The following MBD5 variants were observed in gnomAD, a reference collection of about 807,000 sequenced individuals.
MBD5 encodes methyl-CpG-binding domain protein 5.
MBD5 carries 13 observed loss-of-function variants against 117.3 expected under a neutral mutation model. The ratio of observed to expected loss-of-function variants is 0.11; its 90% CI spans 0.07 to 0.18. MBD5 has a LOEUF of 0.18. MBD5 is among the 10% of genes least tolerant of loss of function. The probability of loss-of-function intolerance (pLI) is 1.00; values close to 1 mark genes in which losing one functional copy is unlikely to be tolerated. For missense variants in MBD5, 1,879 were observed against 2,093.8 expected, an observed-to-expected ratio of 0.90 and a Z score of 2.00; for synonymous variants, 727 against 766.4, an observed-to-expected ratio of 0.95 and a Z score of 0.85.
At chr2:148,163,830 CTT>C (rs894726371) in intron 1 of MBD5, among the ~76,000 whole-genome samples, 2 of 151,966 alleles carry the variant, frequency 1.3e-5, no homozygotes, top group Non-Finnish European at 2.9e-5. Flanking sequence ...TAAAATTAGA[CTT>C]TATAAAGTTG....
intron 2 of MBD5, among the ~76,000 whole-genome samples, chr2:148,223,911 CTTG>C (rs1332357080): frequency 2.0e-5 from 3 of 151,986 alleles, no homozygotes; most frequent in Non-Finnish European, 2.9e-5. Flanking sequence ...ATAGGTTTTG[CTTG>C]TTGTGTTTCC....
intron 4 of MBD5, among the ~76,000 whole-genome samples, chr2:148,449,534 T>C (rs1360355355): frequency 2.6e-5 from 4 of 151,866 alleles, no homozygotes; most frequent in African/African-American, 9.7e-5. Flanking sequence ...TAAACTGAGA[T>C]GAATGGGAGC....
chr2:148,353,898 C>G (rs1703306606), intron 4 of MBD5, among the ~76,000 whole-genome samples: 1 of 152,062 alleles, frequency 6.6e-6, no homozygotes, highest in African/African-American at 2.4e-5. Flanking sequence ...AGTTTTATCT[C>G]TATTTTTAGT....
chr2:148,079,841 A>G (rs1695601618), intron 1 of MBD5, among the ~76,000 whole-genome samples: 1 of 149,282 alleles, frequency 6.7e-6, no homozygotes, highest in Admixed American at 6.7e-5. Context: ...TAGGCGACAG[A>G]GGGAGACTCT....
chr2:148,111,114 C>G (rs1438399929), intron 1 of MBD5, among the ~76,000 whole-genome samples: 2 of 152,072 alleles, frequency 1.3e-5, no homozygotes, highest in Non-Finnish European at 2.9e-5. Flanking sequence ...CCAAAGGACA[C>G]AGAAGCTAGT....
rs566586805 is a variant in MBD5, at chr2:148,445,990, T to G, written c.-556-12213T>G. On this transcript the variant is annotated intron_variant, in intron 4 of 13. Coordinates refer to ENST00000642680, the MANE Select transcript of MBD5 (RefSeq NM_001378120.1). ...CACGATGGGGTTGTTTGTTTTTTTT[T>G]CTTGTAAATTTGTTTGAGTTCATTG... Among the ~76,000 whole-genome samples, 3 of 151,476 alleles carry G rather than the reference T, an allele frequency of 2.0e-5. 1 individual carries two copies. In the South Asian group the frequency reaches 6.2e-4, roughly 31 times the overall value.
At chr2:148,088,222 C>A (rs1299330574) in intron 1 of MBD5, among the ~76,000 whole-genome samples, 1 of 151,954 alleles carries the variant, frequency 6.6e-6, no homozygotes, top group Non-Finnish European at 1.5e-5. Flanking sequence ...GTTAAATGGT[C>A]AAACTTAAGA....
intron 4 of MBD5, among the ~76,000 whole-genome samples, chr2:148,437,962 T>C (rs1217703087): frequency 1.3e-5 from 2 of 151,942 alleles, no homozygotes; most frequent in African/African-American, 4.8e-5. Context: ...GAAATGCAGA[T>C]ATACAAAAAG....
At chr2:148,398,981 C>T (rs912507859) in intron 4 of MBD5, among the ~76,000 whole-genome samples, 3 of 152,150 alleles carry the variant, frequency 2.0e-5, no homozygotes, top group African/African-American at 7.2e-5. Flanking sequence ...GGCATTATTT[C>T]TGAGGGCTCT....
chr2:148,230,730 G>T (rs191525813), intron 2 of MBD5, among the ~76,000 whole-genome samples: 14 of 151,406 alleles, frequency 9.2e-5, no homozygotes, highest in African/African-American at 2.7e-4. Flanking sequence ...ACTGCTGGTT[G>T]TTCAGGGCCC....
chr2:148,070,539 T>C (rs1348477939), intron 1 of MBD5, among the ~76,000 whole-genome samples: 1 of 152,154 alleles, frequency 6.6e-6, no homozygotes, highest in Admixed American at 6.5e-5. Context: ...AATAGAGAAA[T>C]TGGTAGGATA....
chr2:148,390,686 C>T (rs1704546965), intron 4 of MBD5, among the ~76,000 whole-genome samples: 1 of 151,662 alleles, frequency 6.6e-6, no homozygotes, highest in African/African-American at 2.4e-5. Flanking sequence ...AGTGATCCTC[C>T]CACCTCATCC....
chr2:148,226,216 A>G lies in MBD5; in HGVS notation c.-830-7029A>G, dbSNP rs1257972299. Among the ~76,000 whole-genome samples the G allele has an allele frequency of 2.6e-5, 4 of 151,832 alleles. No homozygotes were observed. The East Asian group carries it at 7.7e-4, about 29-fold the overall frequency. On this transcript the variant is annotated intron_variant, in intron 2 of 13. Transcript: ENST00000642680. ...CCATGTTGGTGTGCTGTACCCATTA[A>G]CTTGTCATTTAGCATTAGGTATATC...
chr2:148,064,276 C>A (rs1374354932), intron 1 of MBD5, among the ~76,000 whole-genome samples: 1 of 152,044 alleles, frequency 6.6e-6, no homozygotes, highest in East Asian at 2.0e-4. Context: ...CCACCACGCC[C>A]GGCTAATTTT....
chr2:148,355,094 C>A (rs1703344146), intron 4 of MBD5, among the ~76,000 whole-genome samples: 1 of 151,570 alleles, frequency 6.6e-6, no homozygotes, highest in Non-Finnish European at 1.5e-5. Flanking sequence ...CTGTTCATAT[C>A]CTTTGCCCAC....
At chr2:148,354,026 T>G (rs1368864980) in intron 4 of MBD5, among the ~76,000 whole-genome samples, 1 of 152,186 alleles carries the variant, frequency 6.6e-6, no homozygotes, top group Non-Finnish European at 1.5e-5. Flanking sequence ...TCAACTCTTC[T>G]TCTTCCTGAT....
At chr2:148,438,135 A>G (rs558272430) in intron 4 of MBD5, among the ~76,000 whole-genome samples, 7 of 152,344 alleles carry the variant, frequency 4.6e-5, no homozygotes, top group Non-Finnish European at 8.8e-5. Context: ...TTGTACATCC[A>G]GTATTGGAAA....
intron 1 of MBD5, among the ~76,000 whole-genome samples, chr2:148,084,163 A>G (rs563150167): frequency 6.6e-6 from 1 of 152,324 alleles, no homozygotes; most frequent in Non-Finnish European, 1.5e-5. Context: ...AAAGTCAAAT[A>G]CTAAGATCTT....
intron 3 of MBD5, among the ~76,000 whole-genome samples, chr2:148,268,361 C>T (rs1001316896): frequency 6.6e-6 from 1 of 152,086 alleles, no homozygotes; most frequent in Non-Finnish European, 1.5e-5. Flanking sequence ...GGATTACAGG[C>T]TTGAACCACA....
Sources: gnomAD v4.1 joint callset for allele counts (sites outside exome capture counted in the v4.1 genomes callset) on GRCh38, gnomAD v4.1.1 for gene constraint, MANE v1.5 for transcripts, NCBI Gene and HGNC (gene_info 2026-07-23, HGNC 2026-07-21) for gene names.